Variants in AGBL4 observed in about 807,000 individuals in gnomAD.
AGBL4 encodes AGBL carboxypeptidase 4.
A neutral mutation model predicts 66.4 loss-of-function variants in AGBL4; 58 were observed. That is an observed-to-expected ratio of 0.87 (90% confidence interval 0.71 to 1.09). AGBL4 has a LOEUF of 1.09. Ranked by LOEUF, AGBL4 falls within the 50% of genes least tolerant of loss-of-function variation. The pLI is 0.00. For missense variants in AGBL4, 579 were observed against 631.0 expected, an observed-to-expected ratio of 0.92 and a Z score of 0.88; for synonymous variants, 234 against 222.9, an observed-to-expected ratio of 1.05 and a Z score of -0.44.
At chr1:49,064,538 T>C (rs1183357632) in intron 4 of AGBL4, among the ~76,000 whole-genome samples, 1 of 152,224 alleles carries the variant, frequency 6.6e-6, no homozygotes, top group African/African-American at 2.4e-5. Context: ...CAGGTCTAGG[T>C]CTCTACTTCC....
At chr1:49,607,367 A>AT (rs1051996848) in intron 3 of AGBL4, among the ~76,000 whole-genome samples, 12 of 151,916 alleles carry the variant, frequency 7.9e-5, no homozygotes, top group Admixed American at 7.9e-4. Flanking sequence ...TTTATTTTCT[A>AT]TTTTCTGCTG....
At chr1:49,375,706 T>A (rs1644459017) in intron 3 of AGBL4, among the ~76,000 whole-genome samples, 1 of 152,128 alleles carries the variant, frequency 6.6e-6, no homozygotes, top group Non-Finnish European at 1.5e-5. Flanking sequence ...GCACAATTCA[T>A]CATTTCTTCA....
intron 1 of AGBL4, among the ~76,000 whole-genome samples, chr1:49,981,774 C>A (rs1311338862): frequency 2.6e-5 from 4 of 152,144 alleles, no homozygotes; most frequent in Non-Finnish European, 5.9e-5. Context: ...ACCACTAAAC[C>A]AATTTCCTAA....
chr1:49,921,495 A>G (rs1448069560), intron 1 of AGBL4, among the ~76,000 whole-genome samples: 2 of 152,180 alleles, frequency 1.3e-5, no homozygotes, highest in African/African-American at 4.8e-5. Flanking sequence ...TATTAGGATC[A>G]AAGGCTCACA....
chr1:49,597,429 C>A (rs1469320214), intron 3 of AGBL4, among the ~76,000 whole-genome samples: 1 of 152,144 alleles, frequency 6.6e-6, no homozygotes, highest in African/African-American at 2.4e-5. Flanking sequence ...GAATGCTTCT[C>A]TGAAGAAGAG....
intron 3 of AGBL4, among the ~76,000 whole-genome samples, chr1:49,397,542 T>A (rs1644997973): frequency 6.6e-6 from 1 of 152,160 alleles, no homozygotes. Context: ...TGATCCAGCA[T>A]GAATAATATA....
Position 49,245,763 on chromosome 1 carries a change from C to A in AGBL4, c.377+7G>T. ...CAGGAAGGGGTCCCATTCTGTAGAT[C>A]ACTTACCATTTTGGTCTGCTGGTAG... On this transcript the variant is annotated splice_region_variant and intron_variant, in intron 4 of 13. Transcript: ENST00000371839. 1.3e-6 allele frequency: 2 copies of A among 1,545,870 alleles called. No individual in the cohort carries two copies. Among genetic ancestry groups the A allele is most frequent in the Non-Finnish European group, 1.8e-6 (2 of 1,142,208 alleles).
chr1:49,107,281 T>C (rs1287522154), intron 4 of AGBL4, among the ~76,000 whole-genome samples: 2 of 152,182 alleles, frequency 1.3e-5, no homozygotes, highest in African/African-American at 2.4e-5. Context: ...TTGAGTTAGA[T>C]GATTTTGCCC....
chr1:48,523,311 A>G, the AGBL4 span, among the ~76,000 whole-genome samples: 1 of 152,126 alleles, frequency 6.6e-6, no homozygotes, highest in Non-Finnish European at 1.5e-5. Context: ...TTGTATGGCT[A>G]CAGAATGGAT....
chr1:49,413,602 G>C (rs892030389), intron 3 of AGBL4, among the ~76,000 whole-genome samples: 1 of 152,160 alleles, frequency 6.6e-6, no homozygotes, highest in Non-Finnish European at 1.5e-5. Context: ...CTGTCTGTAT[G>C]TCTTCCATGC....
chr1:49,636,783 T>C (rs1645680884), intron 3 of AGBL4, among the ~76,000 whole-genome samples: 1 of 152,208 alleles, frequency 6.6e-6, no homozygotes, highest in African/African-American at 2.4e-5. Flanking sequence ...TTTTATTTGA[T>C]TTATTGATCT....
chr1:48,907,041 T>A (rs1652661648), intron 5 of AGBL4, among the ~76,000 whole-genome samples: 1 of 152,196 alleles, frequency 6.6e-6, no homozygotes. Flanking sequence ...ACTTAAACTT[T>A]CTGTATCTTG....
intron 4 of AGBL4, among the ~76,000 whole-genome samples, chr1:49,098,484 G>C (rs1645147093): frequency 6.6e-6 from 1 of 152,330 alleles, no homozygotes. Flanking sequence ...GAAAATGCCG[G>C]AAGAGTAACA....
chr1:49,370,902 C>A (rs1337968254), intron 3 of AGBL4, among the ~76,000 whole-genome samples: 1 of 152,152 alleles, frequency 6.6e-6, no homozygotes, highest in Non-Finnish European at 1.5e-5. Context: ...GTGAACTTTG[C>A]GTAGATTACC....
At chr1:49,335,195 G>A (rs1361479533) in intron 3 of AGBL4, among the ~76,000 whole-genome samples, 1 of 152,106 alleles carries the variant, frequency 6.6e-6, no homozygotes, top group East Asian at 1.9e-4. Context: ...CATTCACTCC[G>A]TTGCTCAGGT....
chr1:48,931,151 G>C (rs1655004289), intron 5 of AGBL4, among the ~76,000 whole-genome samples: 1 of 152,150 alleles, frequency 6.6e-6, no homozygotes. Context: ...ATGACACTGA[G>C]ATGTAGAAAC....
chr1:48,908,695 T>C (rs928651137), intron 5 of AGBL4, among the ~76,000 whole-genome samples: 1 of 149,970 alleles, frequency 6.7e-6, no homozygotes, highest in Non-Finnish European at 1.5e-5. Flanking sequence ...AGGAAGGTTA[T>C]TTTTCCATTC....
intron 3 of AGBL4, among the ~76,000 whole-genome samples, chr1:49,564,619 G>C (rs1175967230): frequency 2.0e-5 from 3 of 152,182 alleles, no homozygotes; most frequent in East Asian, 1.9e-4. Context: ...GAGTGGTTTT[G>C]AGTGAGTTTC....
chr1:49,446,925 G>T (rs889834661), intron 3 of AGBL4, among the ~76,000 whole-genome samples: 17 of 152,166 alleles, frequency 1.1e-4, no homozygotes, highest in African/African-American at 4.1e-4. Flanking sequence ...TGTGGCAGCA[G>T]AATCACAGCA....
Sources: allele counts gnomAD v4.1 joint callset (sites outside exome capture counted in the v4.1 genomes callset), GRCh38; gene constraint gnomAD v4.1.1; transcripts MANE v1.5; gene names NCBI Gene and HGNC (gene_info 2026-07-23, HGNC 2026-07-21).